SECISBP2: variants seen among roughly 807,000 people sequenced by gnomAD.
SECISBP2 encodes the protein SECIS binding protein 2.
A neutral mutation model predicts 98.2 loss-of-function variants in SECISBP2; 96 were observed. The ratio of observed to expected loss-of-function variants is 0.98; its 90% CI spans 0.83 to 1.16. SECISBP2 has a LOEUF of 1.16. Ranked by LOEUF, SECISBP2 falls within the 50% of genes most tolerant of loss-of-function variation. The pLI, the probability that SECISBP2 is intolerant of heterozygous loss-of-function variation, is 0.00. For synonymous variants in SECISBP2, 407 were observed against 370.2 expected (o/e 1.10, Z -1.14); for missense variants, 1,046 against 1,022.9 (o/e 1.02, Z -0.31).
downstream of SECISBP2, chr9:89,363,495 G>C: frequency 6.2e-7 from 1 of 1,614,088 alleles, no homozygotes; most frequent in Non-Finnish European, 8.5e-7. Context: ...CAGGCAGAGA[G>C]CTCTCTGGTC....
chr9:89,346,159 G>A (rs944112072), intron 10 of SECISBP2, among the ~76,000 whole-genome samples: 1 of 152,160 alleles, frequency 6.6e-6, no homozygotes, highest in Middle Eastern at 3.2e-3. Flanking sequence ...TTTCTTTGGC[G>A]TATGTTTGGA....
At position 89,349,760 on chromosome 9, in the gene SECISBP2, T is replaced by A. The variant is rs764270588; in HGVS notation, c.1739-16T>A. ...GGCCTCACAGATATCTGATGATGCC[T>A]TTTTCCTCCATGAAGGGCCAGAGGG... On this transcript the variant is annotated splice_polypyrimidine_tract_variant and intron_variant, in intron 12 of 16. Transcript: ENST00000375807. 5.6e-6 allele frequency: 9 copies of A among 1,612,926 alleles called. No individual in the cohort carries two copies. In the East Asian group the frequency reaches 1.8e-4, roughly 32 times the overall value.
chr9:89,331,586 A>G (rs1827763327), intron 5 of SECISBP2, among the ~76,000 whole-genome samples: 1 of 152,154 alleles, frequency 6.6e-6, no homozygotes, highest in Non-Finnish European at 1.5e-5. Flanking sequence ...ACCCCCCCAT[A>G]CACATAGCGT....
chr9:89,338,886 GT>G (rs577395060), intron 8 of SECISBP2, among the ~76,000 whole-genome samples: 322 of 140,656 alleles, frequency 2.3e-3, no homozygotes, highest in Middle Eastern at 3.7e-3. Flanking sequence ...TTCTTTACCT[GT>G]TTTTTTTTTT....
chr9:89,338,424 A>G, intron 7 of SECISBP2, 34 bp from the exon 8 acceptor site: 1 of 1,612,030 alleles, frequency 6.2e-7, no homozygotes, highest in Non-Finnish European at 8.5e-7. Context: ...ACCGCCCTAA[A>G]AACAGGATTT....
chr9:89,351,584 C>G (rs907407041), intron 14 of SECISBP2, among the ~76,000 whole-genome samples: 1 of 152,188 alleles, frequency 6.6e-6, no homozygotes, highest in African/African-American at 2.4e-5. Flanking sequence ...CCTGCAGTGT[C>G]AAATTCAGCT....
At chr9:89,332,407 T>C (rs1159077554) in intron 5 of SECISBP2, among the ~76,000 whole-genome samples, 1 of 152,240 alleles carries the variant, frequency 6.6e-6, no homozygotes, top group Non-Finnish European at 1.5e-5. Context: ...TAATGATGTG[T>C]GTCTACCATA....
At chr9:89,333,933 AGTCTGT>A in intron 6 of SECISBP2, 2 of 678,920 alleles carry the variant, frequency 2.9e-6, no homozygotes, top group Admixed American at 5.7e-5. Context: ...TGAGGGGAAC[AGTCTGT>A]TTTACCCTTG....
intron 8 of SECISBP2, 135 bp from the exon 9 acceptor site, chr9:89,339,729 T>G: frequency 1.4e-6 from 1 of 691,946 alleles, no homozygotes; most frequent in Non-Finnish European, 2.6e-6. Context: ...AGCTCTTATG[T>G]GAGAGTTTCG....
At chr9:89,346,744 G>T in intron 10 of SECISBP2, 138 bp from the exon 11 acceptor site, 1 of 828,494 alleles carries the variant, frequency 1.2e-6, no homozygotes, top group East Asian at 2.5e-5. Context: ...AAGATGAGAA[G>T]GGTTGTGGGG....
In SECISBP2 at chr9:89,325,658, A is replaced by C; in HGVS notation, c.414A>C (p.Glu138Asp). 6.2e-7 allele frequency: 1 copy of C among 1,614,188 alleles called. No individual in the cohort carries two copies. The highest frequency in any genetic ancestry group is 8.5e-7 in the Non-Finnish European group (1 of 1,180,012). The change falls in exon 3 of 17, where the codon GAA becomes GAC. Residue 138 changes from glutamate (E) to aspartate (D), a missense_variant. Transcript: ENST00000375807. ...RNENTCPLPQ[E>D]MKALFKKKTY... ...AGAACACATGCCCTCTCCCACAAGA[A>C]ATGAAAGCTCTGTTTAAGGTGAGTA...
At position 89,349,675 on chromosome 9, in the gene SECISBP2, T is replaced by C; in HGVS notation, c.1739-101T>C. The C allele has an allele frequency of 2.4e-6, 3 of 1,230,920 alleles. No individual in the cohort carries two copies. In the South Asian group the frequency reaches 3.6e-5, roughly 15 times the overall value. The allele number at this position is 1,230,920 out of a possible 1,614,324, so 76.2% of individuals were successfully genotyped here. A position where few individuals can be genotyped will look rare whatever the true frequency, so the allele number is the denominator to read the frequency against. On this transcript the variant is annotated intron_variant, in intron 12 of 16. Coordinates refer to ENST00000375807, the MANE Select transcript of SECISBP2 (RefSeq NM_024077.5). ...GTTGTCTGTGAATGTGGTGGTTGTG[T>C]GCAGGGGTCTGGTTGCATCGGTGAG...
chr9:89,318,515 G>C lies in SECISBP2; in HGVS notation c.-62G>C, dbSNP rs566421906. ...CTGCGGGGGCGGAAACGCTTTGTCT[G>C]TCCGGCAAGCCGACGGCCCGCTGCT... On this transcript the variant is annotated 5_prime_UTR_variant, in exon 1 of 17. Transcript: ENST00000375807. The C allele has an allele frequency of 1.3e-5, 19 of 1,499,018 alleles. No homozygotes were observed. In the African/African-American group the frequency reaches 2.4e-4, roughly 19 times the overall value. The allele number at this position is 1,499,018 out of a possible 1,614,324, so 92.9% of individuals were successfully genotyped here.
At position 89,348,104 on chromosome 9, in the gene SECISBP2, G is replaced by C; in HGVS notation, c.1628G>C (p.Arg543Thr). 1 of 1,613,812 alleles carries C rather than the reference G, an allele frequency of 6.2e-7. No individual in the cohort carries two copies. Among genetic ancestry groups the C allele is most frequent in the South Asian group, 1.1e-5 (1 of 91,086 alleles). ...KKIILKERQE[R>T]KQRLQENAVS... ...ATTATTTTGAAAGAACGGCAAGAGA[G>C]AAAGCAGCGTCTCCAAGAAAATGCT... Residue 543 changes from arginine to threonine, a missense_variant, in exon 12 of 17, where the codon AGA (arginine) becomes ACA (threonine). By Grantham distance (71) the Arg-to-Thr change is moderately conservative. Coordinates refer to ENST00000375807, the MANE Select transcript of SECISBP2 (RefSeq NM_024077.5).
At chr9:89,363,917 T>C, downstream of SECISBP2, 1 of 1,613,978 alleles carries the variant, frequency 6.2e-7, no homozygotes, top group South Asian at 1.1e-5. Flanking sequence ...AGCTCGCCCA[T>C]TCTTCTCCCA....
Position 89,328,841 on chromosome 9 carries a change from T to C in SECISBP2, c.756T>C (p.Ile252=). The C allele has an allele frequency of 1.2e-6, 2 of 1,614,226 alleles. No individual in the cohort carries two copies. The highest frequency in any genetic ancestry group is 1.7e-6 in the Non-Finnish European group (2 of 1,180,028). The change falls in exon 5 of 17, where the codon ATT becomes ATC. Residue 252 remains isoleucine (I), a synonymous_variant. Transcript: ENST00000375807. ...CTGTCCACTCTGTCTCTACCGACATTTCTCTTCTAAGAGAAGTAGTAAAAC... is the reference window on the plus strand; with the variant it reads ...CTGTCCACTCTGTCTCTACCGACATCTCTCTTCTAAGAGAAGTAGTAAAAC... ...WGPVHSVSTD[I]SLLREVVKPA...
intron 1 of SECISBP2, 61 bp downstream of exon 1, chr9:89,318,673 G>T (rs1161067404): frequency 2.3e-5 from 31 of 1,353,528 alleles, no homozygotes; most frequent in Non-Finnish European, 2.9e-5. Context: ...CGCACTGGGG[G>T]CTCGGCCGGG....
Position 89,334,628 on chromosome 9 carries a change from T to G in SECISBP2, c.987T>G (p.Ala329=). 2 of 1,614,070 alleles carry G rather than the reference T, an allele frequency of 1.2e-6. No individual in the cohort carries two copies. The highest frequency in any genetic ancestry group is 2.2e-5 in the East Asian group (1 of 44,880). Residue 329 remains alanine (A), a synonymous_variant, in exon 7 of 17, where the codon GCT becomes GCG. Coordinates refer to ENST00000375807, the MANE Select transcript of SECISBP2 (RefSeq NM_024077.5). The part of the protein sequence containing the change: ...VTSMINLKTI[A]SSADPKNVSI... ...CTATGATAAACTTAAAGACCATTGC[T>G]TCATCAGCAGATCCTAAAAATGTTA... is the stretch of plus-strand genomic sequence containing the variant.
At chr9:89,325,838 T>C (rs1564327496) in intron 3 of SECISBP2, 59 bp from the exon 4 acceptor site, 1 of 1,610,708 alleles carries the variant, frequency 6.2e-7, no homozygotes, top group Non-Finnish European at 8.5e-7. Flanking sequence ...ATTTTGCTGC[T>C]TTAAACCTTT....
Sources: allele counts gnomAD v4.1 joint callset (sites outside exome capture counted in the v4.1 genomes callset), GRCh38; gene constraint gnomAD v4.1.1; transcripts MANE v1.5; gene names NCBI Gene and HGNC (gene_info 2026-07-23, HGNC 2026-07-21).